Variants in PRH1 observed in about 807,000 individuals in gnomAD.
PRH1 encodes the protein salivary acidic proline-rich phosphoprotein 1/2.
A neutral mutation model predicts 7.9 loss-of-function variants in PRH1; 7 were observed. That is an observed-to-expected ratio of 0.89 (90% CI 0.50 to 1.67). The LOEUF is 1.67. PRH1 is among the 40% of genes most tolerant of loss of function. The pLI, the probability that PRH1 is intolerant of heterozygous loss-of-function variation, is 0.00. For synonymous variants in PRH1, 45 were observed against 80.8 expected (o/e 0.56, Z 2.38); for missense variants, 109 against 223.6 (o/e 0.49, Z 3.27).
chr12:11,002,000 C>G (rs1293971736), intron 1 of PRH1, among the ~76,000 whole-genome samples: 1 of 152,026 alleles, frequency 6.6e-6, no homozygotes, highest in African/African-American at 2.4e-5. Flanking sequence ...TAAATCTTTC[C>G]TATAGTGTTC....
intron 2 of PRH1, among the ~76,000 whole-genome samples, chr12:10,972,783 A>G (rs1008225746): frequency 6.6e-6 from 1 of 152,160 alleles, no homozygotes; most frequent in Admixed American, 6.5e-5. Flanking sequence ...ATTTATGTAG[A>G]CAGAATCCAA....
chr12:11,119,972 A>C (rs367913624), downstream of PRH1, among the ~76,000 whole-genome samples: 12 of 152,370 alleles, frequency 7.9e-5, no homozygotes, highest in African/African-American at 2.9e-4. Context: ...TGCCAATTCA[A>C]GCAAGTGTAA....
At chr12:11,045,461 T>C (rs1942870093) in intron 1 of PRH1, among the ~76,000 whole-genome samples, 1 of 152,022 alleles carries the variant, frequency 6.6e-6, no homozygotes, top group Non-Finnish European at 1.5e-5. Context: ...AAAGAGTAAA[T>C]GTTTGAGGGG....
rs187869744 is a variant in PRH1 at position 11,073,209 on chromosome 12, G to A, written n.124-26021C>T. On this transcript the variant is annotated intron_variant and non_coding_transcript_variant, in intron 1 of 4. Transcript: ENST00000541977. The stretch of plus-strand genomic sequence containing the variant: ...TGCACTGGTGCCATCTCGGCTCACT[G>A]CAAACTTCGCCTCCTGGGTTCAATC... 5.0e-4 allele frequency among the ~76,000 whole-genome samples: 61 copies of A among 121,050 alleles called. 17 individuals are homozygous for A. Among genetic ancestry groups the A allele is most frequent in the African/African-American group, 1.6e-3 (59 of 35,784 alleles). The allele number at this position is 121,050 out of a possible 152,430, so 79.4% of individuals were successfully genotyped here.
chr12:11,112,647 T>C (rs1174043159), intron 1 of PRH1, among the ~76,000 whole-genome samples: 1 of 152,140 alleles, frequency 6.6e-6, no homozygotes, highest in Non-Finnish European at 1.5e-5. Flanking sequence ...ACTGATGGAA[T>C]GTATCTCAAA....
At chr12:11,033,804 A>G (rs1265386708) in intron 1 of PRH1, among the ~76,000 whole-genome samples, 2 of 152,200 alleles carry the variant, frequency 1.3e-5, no homozygotes, top group Non-Finnish European at 2.9e-5. Context: ...TATTTCTCCT[A>G]ATTACAAATT....
At chr12:10,989,120 A>G (rs1441725454) in intron 1 of PRH1, among the ~76,000 whole-genome samples, 1 of 152,058 alleles carries the variant, frequency 6.6e-6, no homozygotes, top group African/African-American at 2.4e-5. Context: ...GATTTTCTTT[A>G]TACATTAACA....
At chr12:11,133,711 A>T (rs746135757) in intron 1 of PRH1, 4 of 1,614,194 alleles carry the variant, frequency 2.5e-6, no homozygotes, top group Non-Finnish European at 3.4e-6. Context: ...GCATGGTTAG[A>T]GTCATATTTG....
intron 1 of PRH1, among the ~76,000 whole-genome samples, chr12:11,018,048 A>G (rs2136058749): frequency 6.6e-6 from 1 of 152,264 alleles, no homozygotes; most frequent in South Asian, 2.1e-4. Context: ...TAATATCTCT[A>G]CAGCAGATAC....
At chr12:10,921,507 C>T (rs1370337364) in intron 2 of PRH1, among the ~76,000 whole-genome samples, 1 of 152,096 alleles carries the variant, frequency 6.6e-6, no homozygotes, top group African/African-American at 2.4e-5. Flanking sequence ...TACATTTCAT[C>T]AATTTTTCTG....
At chr12:11,079,585 C>G (rs1314909694) in intron 1 of PRH1, among the ~76,000 whole-genome samples, 1 of 118,290 alleles carries the variant, frequency 8.5e-6, no homozygotes, top group African/African-American at 2.8e-5. Context: ...TGCAGAAAAA[C>G]CTAAGTGATA....
chr12:10,973,641 T>A lies in PRH1; in HGVS notation c.-59+14A>T, dbSNP rs764283731. 3.9e-6 allele frequency: 3 copies of A among 777,146 alleles called. No homozygotes were observed. In the South Asian group the frequency reaches 4.1e-5, roughly 11 times the overall value. The allele number at this position is 777,146 out of a possible 1,614,324, so 48.1% of individuals were successfully genotyped here. On this transcript the variant is annotated intron_variant, in intron 2 of 3. Transcript: ENST00000539853. Reference sequence around the variant, plus strand: ...TTTCATTTGATCCTGTGTTACTTGATATGTAGAAGTTACCTGTGAAAACTT... The same window carrying A: ...TTTCATTTGATCCTGTGTTACTTGAAATGTAGAAGTTACCTGTGAAAACTT...
chr12:11,116,058 T>G (rs1945723023), downstream of PRH1, among the ~76,000 whole-genome samples: 3 of 151,380 alleles, frequency 2.0e-5, no homozygotes, highest in South Asian at 6.2e-4. Flanking sequence ...ACAGCAGAAA[T>G]AAATGAAATT....
intron 1 of PRH1, among the ~76,000 whole-genome samples, chr12:11,147,146 ATTATATT>A (rs1946886780): frequency 6.6e-6 from 1 of 150,868 alleles, no homozygotes; most frequent in African/African-American, 2.4e-5. Context: ...CTAGAAAGAA[ATTATATT>A]TTATAATACT....
intron 2 of PRH1, among the ~76,000 whole-genome samples, chr12:10,958,293 A>G (rs1938074210): frequency 6.6e-6 from 1 of 152,168 alleles, no homozygotes; most frequent in Admixed American, 6.5e-5. Context: ...TCCTAAGCCA[A>G]TAAACATGGA....
chr12:11,123,881 T>C (rs1446145637), intron 1 of PRH1, among the ~76,000 whole-genome samples: 1 of 152,232 alleles, frequency 6.6e-6, no homozygotes, highest in Non-Finnish European at 1.5e-5. Context: ...TTATTATCTT[T>C]CCATAAATTA....
intron 1 of PRH1, chr12:10,985,821 A>C: frequency 1.0e-6 from 1 of 965,240 alleles, no homozygotes; most frequent in Non-Finnish European, 1.5e-6. Context: ...TGCTTTCAGA[A>C]AATACTCAAA....
At chr12:11,108,982 G>C (rs1020661041) in intron 1 of PRH1, among the ~76,000 whole-genome samples, 2 of 152,176 alleles carry the variant, frequency 1.3e-5, no homozygotes, top group Non-Finnish European at 2.9e-5. Context: ...GCTTAGTCAA[G>C]GGAAGGATGT....
At chr12:11,107,009 T>C (rs1945441675) in intron 1 of PRH1, among the ~76,000 whole-genome samples, 1 of 152,088 alleles carries the variant, frequency 6.6e-6, no homozygotes, top group Admixed American at 6.6e-5. Context: ...GACCTTCTTT[T>C]TTGGGGTAGG....
Sources: allele counts gnomAD v4.1 joint callset (sites outside exome capture counted in the v4.1 genomes callset), GRCh38; gene constraint gnomAD v4.1.1; transcripts MANE v1.5; gene names NCBI Gene and HGNC (gene_info 2026-07-23, HGNC 2026-07-21).